The following DCLK1 variants were observed in gnomAD, a reference collection of about 807,000 sequenced individuals.
DCLK1 encodes the protein serine/threonine-protein kinase DCLK1.
Under a neutral mutation model 86.2 loss-of-function variants are expected in DCLK1, and 16 were observed. That is an observed-to-expected ratio of 0.19 (90% CI 0.13 to 0.28). DCLK1 has a LOEUF of 0.28. Ranked by LOEUF, DCLK1 falls within the 10% of genes least tolerant of loss-of-function variation. The probability of loss-of-function intolerance (pLI) is 1.00; values close to 1 mark genes in which losing one functional copy is unlikely to be tolerated. For missense variants in DCLK1, 590 were observed against 940.2 expected (o/e 0.63, Z 4.87); for synonymous variants, 369 against 370.5 (o/e 1.00, Z 0.05).
intron 6 of DCLK1, among the ~76,000 whole-genome samples, chr13:35,840,088 T>C (rs1346634038): frequency 3.3e-5 from 5 of 152,158 alleles, no homozygotes; most frequent in African/African-American, 1.2e-4. Flanking sequence ...GCGGGCGGCA[T>C]TGGCTCATGG....
chr13:36,004,748 G>C (rs979803391), intron 3 of DCLK1, among the ~76,000 whole-genome samples: 2 of 151,936 alleles, frequency 1.3e-5, no homozygotes, highest in Non-Finnish European at 2.9e-5. Flanking sequence ...GATAATTTTT[G>C]CATTTTTTTC....
At chr13:35,860,255 ATC>A (rs1173546773) in intron 5 of DCLK1, among the ~76,000 whole-genome samples, 1 of 149,712 alleles carries the variant, frequency 6.7e-6, no homozygotes, top group Non-Finnish European at 1.5e-5. Context: ...ATTCCCTAAA[ATC>A]TCTTTCTCAG....
At chr13:36,065,818 G>A (rs958624148) in intron 3 of DCLK1, among the ~76,000 whole-genome samples, 3 of 151,996 alleles carry the variant, frequency 2.0e-5, no homozygotes, top group Admixed American at 6.6e-5. Context: ...ATTGTAAAAT[G>A]GAAAAAATAC....
intron 5 of DCLK1, among the ~76,000 whole-genome samples, chr13:35,858,407 T>C (rs1406519002): frequency 3.9e-5 from 6 of 152,250 alleles, no homozygotes; most frequent in Admixed American, 3.9e-4. Flanking sequence ...TGCAATGTTT[T>C]CTGTTTTAGA....
intron 3 of DCLK1, among the ~76,000 whole-genome samples, chr13:36,094,988 T>C (rs1884955019): frequency 6.6e-6 from 1 of 152,182 alleles, no homozygotes; most frequent in Non-Finnish European, 1.5e-5. Context: ...AGCACTAGAC[T>C]TTTTGTTCCA....
In DCLK1 at chr13:35,980,326, G is replaced by C. The variant is rs544239630; in HGVS notation, c.724-32869C>G. Among the ~76,000 whole-genome samples, 888 of 152,108 alleles carry C rather than the reference G, an allele frequency of 5.8e-3. 6 individuals carry two copies. The highest frequency in any genetic ancestry group is 0.021 in the African/African-American group (852 of 41,502). ...AGAAATTAGCCAGGTGCAGTAGTAC[G>C]CACCTGTGGTCCCAGCCACTCGGGA... On this transcript the variant is annotated intron_variant, in intron 3 of 16. Coordinates refer to ENST00000360631, the MANE Select transcript of DCLK1 (RefSeq NM_001330071.2).
At chr13:36,027,236 G>A (rs980307172) in intron 3 of DCLK1, among the ~76,000 whole-genome samples, 3 of 152,052 alleles carry the variant, frequency 2.0e-5, no homozygotes, top group African/African-American at 4.8e-5. Flanking sequence ...TCAGATCATC[G>A]GGCATTAGAT....
chr13:35,939,406 G>A (rs1876958656), intron 4 of DCLK1, among the ~76,000 whole-genome samples: 1 of 152,162 alleles, frequency 6.6e-6, no homozygotes. Context: ...TCAGTTGTTT[G>A]GCTTTTGTTT....
At position 36,033,502 on chromosome 13, in the gene DCLK1, C is replaced by T. The variant is rs140901122; in HGVS notation, c.723+78367G>A. On this transcript the variant is annotated intron_variant, in intron 3 of 16. Transcript: ENST00000360631. ...ATTTATTCTTAATATTGGTGTGACTCAATATTGGTGTGACTCCCCACTCAA... is the reference window on the plus strand; with the variant it reads ...ATTTATTCTTAATATTGGTGTGACTTAATATTGGTGTGACTCCCCACTCAA... Among the ~76,000 whole-genome samples, 4 of 152,200 alleles carry T rather than the reference C, an allele frequency of 2.6e-5. No individual in the cohort carries two copies. In the East Asian group the frequency reaches 7.7e-4, roughly 29 times the overall value.
intron 4 of DCLK1, among the ~76,000 whole-genome samples, chr13:35,906,315 T>A (rs1874688090): frequency 9.2e-6 from 1 of 109,288 alleles, no homozygotes; most frequent in Non-Finnish European, 1.8e-5. Flanking sequence ...AGTATTTTCT[T>A]TTTTTTTTTT....
intron 3 of DCLK1, among the ~76,000 whole-genome samples, chr13:36,031,831 A>C (rs1024288572): frequency 6.6e-6 from 1 of 152,206 alleles, no homozygotes; most frequent in African/African-American, 2.4e-5. Flanking sequence ...TGGCTTCTAC[A>C]CAGCTGGCTG....
Position 35,773,621 on chromosome 13 carries a change from C to T in DCLK1, c.*914G>A, listed in dbSNP as rs991495583. On this transcript the variant is annotated 3_prime_UTR_variant, in exon 17 of 17. Transcript: ENST00000360631. The stretch of plus-strand genomic sequence containing the variant: ...TGAGAAAAATCACAGGATCTTATTC[C>T]CTCTTTCTGTTTGAAATTCCAGCCC... 1 of 151,266 alleles carries T rather than the reference C, an allele frequency of 6.6e-6. No homozygotes were observed. The highest frequency in any genetic ancestry group is 1.5e-5 in the Non-Finnish European group (1 of 67,888). 9.4% of individuals were successfully genotyped at this position (151,266 alleles called of 1,614,324 possible). A position where few individuals can be genotyped will look rare whatever the true frequency, so the allele number is the denominator to read the frequency against.
At chr13:35,910,798 C>T (rs1203428680) in intron 4 of DCLK1, among the ~76,000 whole-genome samples, 1 of 151,982 alleles carries the variant, frequency 6.6e-6, no homozygotes, top group Non-Finnish European at 1.5e-5. Context: ...TTTGAGGTGG[C>T]AAAAAAGAAG....
intron 3 of DCLK1, among the ~76,000 whole-genome samples, chr13:36,011,574 G>A (rs1881272585): frequency 6.7e-6 from 1 of 149,854 alleles, no homozygotes; most frequent in Non-Finnish European, 1.5e-5. Context: ...TAGTTTGATT[G>A]CACTGTGGTC....
intron 3 of DCLK1, among the ~76,000 whole-genome samples, chr13:36,019,903 G>A (rs76939277): frequency 0.061 from 9,259 of 152,230 alleles, 334 homozygotes; most frequent in African/African-American, 0.097. Context: ...GTTGAAATTC[G>A]ATCTCCAATA....
chr13:35,855,583 C>A, intron 5 of DCLK1: 2 of 1,577,602 alleles, frequency 1.3e-6, no homozygotes, highest in Non-Finnish European at 1.7e-6. Flanking sequence ...CGTCTCAGCA[C>A]TAAGCCAAGC....
intron 4 of DCLK1, among the ~76,000 whole-genome samples, chr13:35,913,180 G>C (rs893293094): frequency 3.3e-5 from 5 of 152,206 alleles, no homozygotes; most frequent in African/African-American, 1.2e-4. Context: ...TGACTTTGAT[G>C]ATCGTCTGCC....
chr13:35,959,524 G>A (rs1878339222), intron 3 of DCLK1, among the ~76,000 whole-genome samples: 1 of 152,158 alleles, frequency 6.6e-6, no homozygotes, highest in South Asian at 2.1e-4. Context: ...CTGTGAGAGA[G>A]TGAAATCAGA....
chr13:35,907,287 G>T (rs1241926050), intron 4 of DCLK1, among the ~76,000 whole-genome samples: 1 of 152,108 alleles, frequency 6.6e-6, no homozygotes, highest in Non-Finnish European at 1.5e-5. Flanking sequence ...CTCAGCCTCT[G>T]AAGCAGCTGG....
Sources: gnomAD v4.1 joint callset for allele counts (sites outside exome capture counted in the v4.1 genomes callset) on GRCh38, gnomAD v4.1.1 for gene constraint, MANE v1.5 for transcripts, NCBI Gene and HGNC (gene_info 2026-07-23, HGNC 2026-07-21) for gene names.